Variants in APOBEC3H observed in about 807,000 individuals in gnomAD.
APOBEC3H encodes DNA dC->dU-editing enzyme APOBEC-3H.
APOBEC3H carries 8 observed loss-of-function variants against 21.2 expected under a neutral mutation model. The observed-to-expected ratio is 0.38, with a 90% CI of 0.22 to 0.68. The LOEUF (loss-of-function observed/expected upper bound fraction) is 0.68, where lower values mean the gene tolerates loss of function less well. APOBEC3H is among the 30% of genes least tolerant of loss of function. The pLI, the probability that APOBEC3H is intolerant of heterozygous loss-of-function variation, is 0.52. For synonymous variants in APOBEC3H, 88 were observed against 91.0 expected, an observed-to-expected ratio of 0.97 and a Z score of 0.19; for missense variants, 229 against 228.1, an observed-to-expected ratio of 1.00 and a Z score of -0.03.
chr22:39,102,545 G>C (rs1202632819), intron 4 of APOBEC3H: 4 of 718,474 alleles, frequency 5.6e-6, no homozygotes, highest in Middle Eastern at 2.3e-4. Flanking sequence ...TCGTTACATG[G>C]ATATATTGTG....
At chr22:39,098,532 T>C (rs974784003) in intron 1 of APOBEC3H, among the ~76,000 whole-genome samples, 1 of 152,178 alleles carries the variant, frequency 6.6e-6, no homozygotes, top group Non-Finnish European at 1.5e-5. Flanking sequence ...AGGAATTAAT[T>C]GAACTGAAAT....
rs370195340 is a variant in APOBEC3H at position 39,103,774 on chromosome 22, C to T, written c.*77C>T. Reference sequence around the variant, plus strand: ...TCCCACTCATTATCAAGAAGCAACTCAAGATGACTTTCCCTGGGGCATGTC... The same window carrying T: ...TCCCACTCATTATCAAGAAGCAACTTAAGATGACTTTCCCTGGGGCATGTC... On this transcript the variant is annotated 3_prime_UTR_variant, in exon 5 of 5. Coordinates refer to ENST00000442487, the MANE Select transcript of APOBEC3H (RefSeq NM_181773.5). 15 of 1,565,326 alleles carry T rather than the reference C, an allele frequency of 9.6e-6. No individual in the cohort carries two copies. Among genetic ancestry groups the T allele is most frequent in the Middle Eastern group, 1.7e-4 (1 of 5,968 alleles).
intron 1 of APOBEC3H, among the ~76,000 whole-genome samples, chr22:39,098,149 T>C (rs1929107217): frequency 6.6e-6 from 1 of 152,192 alleles, no homozygotes; most frequent in South Asian, 2.1e-4. Flanking sequence ...GAATGGCCCC[T>C]GCAGGCCTAG....
At chr22:39,102,066 C>A (rs1929398906) in intron 4 of APOBEC3H, 24 bp downstream of exon 4, 13 of 1,607,622 alleles carry the variant, frequency 8.1e-6, no homozygotes, top group Non-Finnish European at 1.1e-5. Context: ...CTGCCTGCTG[C>A]CCCCGACCTC....
At chr22:39,100,139 C>T in intron 1 of APOBEC3H, 133 bp from the exon 2 acceptor site, 4 of 984,026 alleles carry the variant, frequency 4.1e-6, no homozygotes, top group Non-Finnish European at 6.1e-6. Context: ...GGCCACTGCA[C>T]TCCAGCCTGG....
rs147843286 is a variant in APOBEC3H at position 39,099,174 on chromosome 22, A to G, written c.-7-1098A>G. ...GCTTGCAGTGAGCTGAGATTGGACC[A>G]CTGCACTCCAGCCTGGGCAACAGAG... On this transcript the variant is annotated intron_variant, in intron 1 of 4. Transcript: ENST00000442487. Among the ~76,000 whole-genome samples, 1,106 of 152,250 alleles carry G rather than the reference A, an allele frequency of 7.3e-3. 12 individuals are homozygous for G. The highest frequency in any genetic ancestry group is 0.025 in the African/African-American group (1,039 of 41,548).
At chr22:39,101,618 GTT>G in intron 3 of APOBEC3H, 114 bp downstream of exon 3, 1 of 263,574 alleles carries the variant, frequency 3.8e-6, no homozygotes, top group Non-Finnish European at 6.8e-6. Flanking sequence ...GCGGGGGCGG[GTT>G]GGAGGAGGTT....
chr22:39,101,248 T>C lies in APOBEC3H; in HGVS notation c.162T>C (p.His54=). 1.9e-6 allele frequency: 3 copies of C among 1,588,222 alleles called. No individual in the cohort carries two copies. The highest frequency in any genetic ancestry group is 2.6e-6 in the Non-Finnish European group (3 of 1,163,814). Reference sequence around the variant, plus strand: ...GGGACCCTCCCCAGAAAAAGTGCCATGCAGAAATTTGCTTTATTAACGAGA... The same window carrying C: ...GGGACCCTCCCCAGAAAAAGTGCCACGCAGAAATTTGCTTTATTAACGAGA... ...RGYFENKKKC[H]AEICFINEIK... The change falls in exon 3 of 5, where the codon CAT becomes CAC. Residue 54 remains histidine (H), a synonymous_variant. Coordinates refer to ENST00000442487, the MANE Select transcript of APOBEC3H (RefSeq NM_181773.5).
chr22:39,100,632 C>T (rs1383724634), intron 2 of APOBEC3H: 1 of 626,348 alleles, frequency 1.6e-6, no homozygotes, highest in Non-Finnish European at 2.6e-6. Context: ...CCATTCTTTC[C>T]CGTCCCCGGA....
chr22:39,102,926 G>C (rs1037658084), intron 4 of APOBEC3H, among the ~76,000 whole-genome samples: 12 of 134,618 alleles, frequency 8.9e-5, no homozygotes, highest in Non-Finnish European at 1.2e-4. Flanking sequence ...TCATGCCACT[G>C]CACTCCAGCC....
In APOBEC3H at chr22:39,103,736, G is replaced by C; in HGVS notation, c.*39G>C. The stretch of plus-strand genomic sequence containing the variant: ...TAGAGAATGACTTAAGAAGTTTGCA[G>C]CTTGGACCCGTATCCCACTCATTAT... On this transcript the variant is annotated 3_prime_UTR_variant, in exon 5 of 5. Transcript: ENST00000442487. The C allele has an allele frequency of 6.2e-7, 1 of 1,611,960 alleles. No individual in the cohort carries two copies. Among genetic ancestry groups the C allele is most frequent in the Non-Finnish European group, 8.5e-7 (1 of 1,178,018 alleles).
At chr22:39,102,173 G>GA in intron 4 of APOBEC3H, 131 bp downstream of exon 4, 1 of 1,334,150 alleles carries the variant, frequency 7.5e-7, no homozygotes, top group Non-Finnish European at 1.0e-6. Context: ...TTTTGAGACA[G>GA]GGTCTCACTC....
Position 39,103,852 on chromosome 22 carries a change from C to G in APOBEC3H, c.*155C>G. 1.1e-6 allele frequency: 1 copy of G among 945,400 alleles called. No homozygotes were observed. Among genetic ancestry groups the G allele is most frequent in the Non-Finnish European group, 1.7e-6 (1 of 580,996 alleles). The allele number at this position is 945,400 out of a possible 1,614,324, so 58.6% of individuals were successfully genotyped here. ...AAGCAAGCACTAAGCTCCACAGTGCCAGTTCCTTGCCCCAACCTGGCCCCA... is the reference window on the plus strand; with the variant it reads ...AAGCAAGCACTAAGCTCCACAGTGCGAGTTCCTTGCCCCAACCTGGCCCCA... On this transcript the variant is annotated 3_prime_UTR_variant, in exon 5 of 5. Transcript: ENST00000442487.
intron 3 of APOBEC3H, 136 bp downstream of exon 3, chr22:39,101,640 TG>T (rs2146323026): frequency 8.7e-5 from 3 of 34,398 alleles, no homozygotes; most frequent in South Asian, 2.1e-4. Context: ...TGGCGGGGGG[TG>T]GGGGCGGGTT....
chr22:39,102,425 C>T (rs1284180364), intron 4 of APOBEC3H: 34 of 707,534 alleles, frequency 4.8e-5, no homozygotes, highest in Non-Finnish European at 8.2e-5. Flanking sequence ...GCTGGGATTA[C>T]AGGTGTGAGC....
At chr22:39,100,858 CTCT>C (rs1471310274) in intron 2 of APOBEC3H, among the ~76,000 whole-genome samples, 2 of 151,812 alleles carry the variant, frequency 1.3e-5, no homozygotes, top group Non-Finnish European at 2.9e-5. Flanking sequence ...CTCTCACCTG[CTCT>C]TTAGGATCAT....
At chr22:39,098,792 C>T (rs1419602006) in intron 1 of APOBEC3H, among the ~76,000 whole-genome samples, 2 of 152,098 alleles carry the variant, frequency 1.3e-5, no homozygotes, top group African/African-American at 4.8e-5. Context: ...GCTTGAAATG[C>T]TCAGGGGTTT....
At chr22:39,101,146 C>T (rs1929292786) in intron 2 of APOBEC3H, 91 bp from the exon 3 acceptor site, 3 of 234,130 alleles carry the variant, frequency 1.3e-5, no homozygotes, top group South Asian at 4.0e-5. Flanking sequence ...GCCCCCCCAT[C>T]CCCGCCCCCG....
intron 1 of APOBEC3H, among the ~76,000 whole-genome samples, chr22:39,098,529 A>G (rs1296225955): frequency 6.6e-6 from 1 of 152,228 alleles, no homozygotes; most frequent in Admixed American, 6.5e-5. Context: ...GCCAGGAATT[A>G]ATTGAACTGA....
Sources: gnomAD v4.1 joint callset for allele counts (sites outside exome capture counted in the v4.1 genomes callset) on GRCh38, gnomAD v4.1.1 for gene constraint, MANE v1.5 for transcripts, NCBI Gene and HGNC (gene_info 2026-07-23, HGNC 2026-07-21) for gene names.